HYAL4: variants seen among roughly 807,000 people sequenced by gnomAD.
HYAL4 encodes hyaluronidase-4.
HYAL4 carries 37 observed loss-of-function variants against 35.2 expected under a neutral mutation model. The ratio of observed to expected loss-of-function variants is 1.05; its 90% CI spans 0.81 to 1.38. HYAL4 has a LOEUF of 1.38. Among genes scored for constraint, HYAL4 ranks in the 40% most tolerant of loss-of-function variants. HYAL4 has a pLI of 0.00. For missense variants in HYAL4, 572 were observed against 572.4 expected (o/e 1.00, Z 0.01); for synonymous variants, 198 against 203.2 (o/e 0.97, Z 0.22).
intron 1 of HYAL4, among the ~76,000 whole-genome samples, chr7:123,847,773 G>A (rs549873227): frequency 1.4e-4 from 21 of 152,170 alleles, no homozygotes; most frequent in African/African-American, 2.2e-4. Context: ...GTGAGACTCC[G>A]TCTAAAATAA....
chr7:123,858,756 C>G (rs1806515800), intron 2 of HYAL4, among the ~76,000 whole-genome samples: 1 of 152,132 alleles, frequency 6.6e-6, no homozygotes, highest in Non-Finnish European at 1.5e-5. Context: ...TTGTGATATT[C>G]TGGGAAGGCA....
chr7:123,790,736 A>G, the HYAL4 span: 1 of 151,888 alleles, frequency 6.6e-6, no homozygotes, highest in Non-Finnish European at 1.5e-5. Context: ...TTTATGGCCA[A>G]CCATATTATG....
chr7:123,800,810 C>T, the HYAL4 span, among the ~76,000 whole-genome samples: 1 of 150,534 alleles, frequency 6.6e-6, no homozygotes, highest in Non-Finnish European at 1.5e-5. Context: ...GCACGCGTCA[C>T]CACGCTGGCT....
the HYAL4 span, among the ~76,000 whole-genome samples, chr7:123,809,807 C>G: frequency 1.3e-5 from 2 of 152,140 alleles, no homozygotes; most frequent in African/African-American, 4.8e-5. Context: ...TAGTTGTGTT[C>G]TCTCTCACCT....
At chr7:123,839,347 T>G (rs1186923543) in intron 1 of HYAL4, among the ~76,000 whole-genome samples, 3 of 152,220 alleles carry the variant, frequency 2.0e-5, no homozygotes, top group African/African-American at 7.2e-5. Flanking sequence ...TAGTATTCCA[T>G]GGTGTATATG....
At position 123,868,454 on chromosome 7, in the gene HYAL4, A is replaced by T. The variant is rs373612274; in HGVS notation, c.181A>T (p.Ile61Leu). ...GAATGCTCCAACAGATCAGTGTTTG[A>T]TAAAATATAATTTAAGACTAAATTT... is the stretch of plus-strand genomic sequence containing the variant. Reference protein sequence around the residue: ...AWNAPTDQCLIKYNLRLNLKM... With the variant: ...AWNAPTDQCLLKYNLRLNLKM... The change falls in exon 3 of 5, where the codon ATA becomes TTA. Residue 61 changes from isoleucine (I) to leucine (L), a missense_variant. Transcript: ENST00000223026. 2.5e-6 allele frequency: 4 copies of T among 1,606,534 alleles called. No individual in the cohort carries two copies. The African/African-American group carries it at 5.4e-5, about 22-fold the overall frequency.
At chr7:123,775,385 C>T in the HYAL4 span, among the ~76,000 whole-genome samples, 301 of 151,992 alleles carry the variant, frequency 2.0e-3, no homozygotes, top group Middle Eastern at 6.8e-3. Context: ...GCTGTGATTA[C>T]GCCATGGCAC....
the HYAL4 span, among the ~76,000 whole-genome samples, chr7:123,774,221 G>T: frequency 6.6e-6 from 1 of 151,918 alleles, no homozygotes; most frequent in East Asian, 1.9e-4. Context: ...AAACTTTCTA[G>T]AGACATGGGG....
chr7:123,831,727 C>T (rs184147683), intron 1 of HYAL4, among the ~76,000 whole-genome samples: 152 of 152,290 alleles, frequency 1.0e-3, no homozygotes, highest in African/African-American at 3.3e-3. Flanking sequence ...CTGCCCCCCT[C>T]CCCATGCGTT....
At chr7:123,829,063 AT>A (rs1805841801) in exon 1 of HYAL4, 1 of 152,664 alleles carries the variant, frequency 6.6e-6, no homozygotes, top group South Asian at 2.1e-4. Flanking sequence ...TGTAACAATC[AT>A]GGAAGAGTAT....
the HYAL4 span, among the ~76,000 whole-genome samples, chr7:123,799,462 T>C: frequency 6.7e-6 from 1 of 150,320 alleles, no homozygotes; most frequent in Non-Finnish European, 1.5e-5. Flanking sequence ...TTATAAATTA[T>C]AAATTTATAA....
At chr7:123,809,613 G>A in the HYAL4 span, among the ~76,000 whole-genome samples, 2 of 151,830 alleles carry the variant, frequency 1.3e-5, no homozygotes, top group African/African-American at 4.8e-5. Context: ...TGCCCAGACT[G>A]GTTCAGAATT....
chr7:123,807,432 G>GT, the HYAL4 span, among the ~76,000 whole-genome samples: 2,185 of 120,750 alleles, frequency 0.018, 64 homozygotes, highest in South Asian at 0.027. Flanking sequence ...ACTTTTTATG[G>GT]TTTTTTTTTT....
At chr7:123,841,130 T>C (rs976498489), upstream of HYAL4, among the ~76,000 whole-genome samples, 1 of 152,048 alleles carries the variant, frequency 6.6e-6, no homozygotes, top group African/African-American at 2.4e-5. Flanking sequence ...GGGTTTGTCA[T>C]AAATAGCTCT....
At chr7:123,812,873 G>A in the HYAL4 span, among the ~76,000 whole-genome samples, 1 of 151,750 alleles carries the variant, frequency 6.6e-6, no homozygotes, top group African/African-American at 2.4e-5. Flanking sequence ...AAGAGTGATG[G>A]GAGAAAAACC....
At chr7:123,828,368 T>A (rs964022654), upstream of HYAL4, among the ~76,000 whole-genome samples, 1 of 151,806 alleles carries the variant, frequency 6.6e-6, no homozygotes, top group Non-Finnish European at 1.5e-5. Context: ...ATATCCTACA[T>A]GATTATATAT....
upstream of HYAL4, among the ~76,000 whole-genome samples, chr7:123,842,302 C>T (rs1041174253): frequency 3.6e-4 from 54 of 151,906 alleles, no homozygotes; most frequent in African/African-American, 1.1e-3. Context: ...TGTAGTAGTG[C>T]GGTTTGGAGT....
the HYAL4 span, among the ~76,000 whole-genome samples, chr7:123,794,409 T>A: frequency 1.2e-4 from 19 of 152,200 alleles, no homozygotes; most frequent in Non-Finnish European, 2.5e-4. Flanking sequence ...CTTCAGGGCA[T>A]GTCGAGACCT....
chr7:123,868,489 T>A lies in HYAL4; in HGVS notation c.216T>A (p.Phe72Leu). The change falls in exon 3 of 5, where the codon TTT becomes TTA. Residue 72 changes from phenylalanine to leucine, a missense_variant. By Grantham distance (22) the Phe-to-Leu change is conservative. Coordinates refer to ENST00000223026, the MANE Select transcript of HYAL4 (RefSeq NM_012269.3). ...ATTTAAGACTAAATTTGAAAATGTTTCCTGTGATTGGAAGCCCACTGGCCA... is the reference window on the plus strand; with the variant it reads ...ATTTAAGACTAAATTTGAAAATGTTACCTGTGATTGGAAGCCCACTGGCCA... ...KYNLRLNLKMFPVIGSPLAKA... is the reference protein window; with the variant it reads ...KYNLRLNLKMLPVIGSPLAKA... 6.2e-7 allele frequency: 1 copy of A among 1,604,958 alleles called. No homozygotes were observed. The highest frequency in any genetic ancestry group is 8.5e-7 in the Non-Finnish European group (1 of 1,177,792).
Sources: gnomAD v4.1 joint callset for allele counts (sites outside exome capture counted in the v4.1 genomes callset) on GRCh38, gnomAD v4.1.1 for gene constraint, MANE v1.5 for transcripts, NCBI Gene and HGNC (gene_info 2026-07-23, HGNC 2026-07-21) for gene names.